Variants in PBXIP1 observed in about 807,000 individuals in gnomAD.
The protein encoded by PBXIP1 is PBX homeobox interacting protein 1.
Under a neutral mutation model 73.7 loss-of-function variants are expected in PBXIP1, and 73 were observed. That is an observed-to-expected ratio of 0.99 (90% CI 0.82 to 1.20). The LOEUF (loss-of-function observed/expected upper bound fraction) is 1.20. PBXIP1 is among the 50% of genes most tolerant of loss of function. PBXIP1 has a pLI of 0.00. For synonymous variants in PBXIP1, 330 were observed against 366.9 expected (o/e 0.90, Z 1.15); for missense variants, 818 against 911.4 (o/e 0.90, Z 1.32).
chr1:154,954,001 T>C (rs112636496), intron 1 of PBXIP1, among the ~76,000 whole-genome samples: 119 of 152,214 alleles, frequency 7.8e-4, no homozygotes, highest in African/African-American at 2.8e-3. Flanking sequence ...CTTGGAAAAC[T>C]GAACTGACCT....
rs774924975 is a variant in PBXIP1 at position 154,948,335 on chromosome 1, G to T, written c.441C>A (p.Ser147Arg). The change falls in exon 6 of 11, where the codon AGC (serine) becomes AGA (arginine). Residue 147 changes from serine to arginine, a missense_variant. Physicochemically the swap from Ser to Arg is moderately radical, Grantham distance 110. Transcript: ENST00000368463. ...AWIREEGRCS[S>R]SDDDTDVDME... Reference sequence around the variant, plus strand: ...TGTCCACGTCGGTGTCATCGTCACTGCTGGAGCAGCGGCCCTCCTCCCTGA... The same window carrying T: ...TGTCCACGTCGGTGTCATCGTCACTTCTGGAGCAGCGGCCCTCCTCCCTGA... The T allele has an allele frequency of 1.2e-6, 2 of 1,605,154 alleles. No individual in the cohort carries two copies. The highest frequency in any genetic ancestry group is 4.5e-5 in the East Asian group (2 of 44,596).
rs1195774747 is a variant in PBXIP1 at position 154,946,459 on chromosome 1, C to T, written c.1215G>A (p.Leu405=). 1 of 1,608,382 alleles carries T rather than the reference C, an allele frequency of 6.2e-7. No individual in the cohort carries two copies. The highest frequency in any genetic ancestry group is 1.3e-5 in the African/African-American group (1 of 74,948). The part of the protein sequence containing the change: ...RQELERQRRL[L]GSVQQDLERS... ...TCTCCAGATCCTGCTGTACAGACCC[C>T]AGCAGCCGTCGCTGCCTCTCTAACT... Residue 405 remains leucine (L), a synonymous_variant, in exon 10 of 11, where the codon CTG becomes CTA. Transcript: ENST00000368463.
chr1:154,953,210 C>G (rs902424272), intron 2 of PBXIP1, among the ~76,000 whole-genome samples: 1 of 152,284 alleles, frequency 6.6e-6, no homozygotes, highest in Non-Finnish European at 1.5e-5. Context: ...TAACCCAAAG[C>G]CCCACACTGA....
intron 2 of PBXIP1, among the ~76,000 whole-genome samples, chr1:154,952,571 G>A (rs866699322): frequency 1.3e-5 from 2 of 152,088 alleles, no homozygotes; most frequent in East Asian, 3.8e-4. Flanking sequence ...CCTGCCACCC[G>A]CCCCGTGGCT....
intron 10 of PBXIP1, 57 bp from the exon 11 acceptor site, chr1:154,945,174 C>T: frequency 7.5e-7 from 1 of 1,338,370 alleles, no homozygotes. Context: ...ACGGGTTCCC[C>T]AAGGAGAGAG....
In PBXIP1 at chr1:154,944,937, C is replaced by T. The variant is rs556484402; in HGVS notation, c.*87G>A. ...AAGATATCTGAGGACACCAAACAAG[C>T]CAGGACAGAGTCCACCCTCCAGGAG... On this transcript the variant is annotated 3_prime_UTR_variant, in exon 11 of 11. Transcript: ENST00000368463. The T allele has an allele frequency of 8.2e-6, 9 of 1,095,932 alleles. No individual in the cohort carries two copies. In the South Asian group the frequency reaches 1.0e-4, roughly 13 times the overall value. 67.9% of individuals were successfully genotyped at this position (1,095,932 alleles called of 1,614,324 possible).
rs1419575460 is a variant in PBXIP1 at position 154,953,759 on chromosome 1, T to TGCAG, written c.-36-6_-36-3dup. On this transcript the variant is annotated splice_region_variant and splice_polypyrimidine_tract_variant and intron_variant, in intron 1 of 10. Coordinates refer to ENST00000368463, the MANE Select transcript of PBXIP1 (RefSeq NM_020524.4). Reference sequence around the variant, plus strand: ...CCCTGAGGCTGCTGTGGCTGCCACCTGCAGAAGAAAGCTCTCTTAAGGATG... The same window carrying TGCAG: ...CCCTGAGGCTGCTGTGGCTGCCACCTGCAGGCAGAAGAAAGCTCTCTTAAGGATG... The TGCAG allele has an allele frequency of 6.2e-7, 1 of 1,600,838 alleles. No homozygotes were observed. The highest frequency in any genetic ancestry group is 8.5e-7 in the Non-Finnish European group (1 of 1,170,308).
chr1:154,948,142 G>A lies in PBXIP1; in HGVS notation c.634C>T (p.Leu212Phe). 6.3e-7 allele frequency: 1 copy of A among 1,581,922 alleles called. No individual in the cohort carries two copies. Among genetic ancestry groups the A allele is most frequent in the Non-Finnish European group, 8.6e-7 (1 of 1,163,226 alleles). ...ALVLLGLGVL[L>F]FSGGLSESET... is the part of the protein sequence containing the mutation. The stretch of plus-strand genomic sequence containing the variant: ...CAGAGGTACCACTCACCTGAGAAGA[G>A]GAGGACCCCCAGGCCAAGCAGAACC... The change falls in exon 6 of 11, where the codon CTC becomes TTC. Residue 212 changes from leucine to phenylalanine, a missense_variant. By Grantham distance (22) the Leu-to-Phe change is conservative (BLOSUM62 0). Transcript: ENST00000368463.
chr1:154,945,538 T>A, intron 10 of PBXIP1, 34 bp downstream of exon 10: 1 of 1,593,208 alleles, frequency 6.3e-7, no homozygotes. Flanking sequence ...ACTGCCTCTG[T>A]CCCACCCGAC....
Position 154,951,977 on chromosome 1 carries a change from C to A in PBXIP1, c.52-56G>T. On this transcript the variant is annotated intron_variant, in intron 2 of 10. Transcript: ENST00000368463. The surrounding 1 kb of genome is among the most constrained non-coding windows in gnomAD (Gnocchi z 4.3). ...CACCCAAGAATGGGGCCCCAGCCCA[C>A]ATCCCAGAAACACACACATTCAGTC... 1 of 1,560,248 alleles carries A rather than the reference C, an allele frequency of 6.4e-7. No homozygotes were observed. Among genetic ancestry groups the A allele is most frequent in the Non-Finnish European group, 8.6e-7 (1 of 1,158,124 alleles).
chr1:154,951,709 C>T lies in PBXIP1; in HGVS notation c.178+86G>A, dbSNP rs796635833. 1.3e-6 allele frequency: 2 copies of T among 1,511,488 alleles called. No individual in the cohort carries two copies. The highest frequency in any genetic ancestry group is 1.2e-5 in the South Asian group (1 of 85,656). The allele number at this position is 1,511,488 out of a possible 1,614,324, so 93.6% of individuals were successfully genotyped here. On this transcript the variant is annotated intron_variant, in intron 3 of 10. Transcript: ENST00000368463. The surrounding 1 kb of genome is among the most constrained non-coding windows in gnomAD (Gnocchi z 4.3). ...AATGGAGGAACTAAAACGAACCAGC[C>T]TCCCTTTCTCTGAGGAAACTGAGAA...
At position 154,953,659 on chromosome 1, in the gene PBXIP1, C is replaced by A. The variant is rs369161982; in HGVS notation, c.51+12G>T. The stretch of plus-strand genomic sequence containing the variant: ...ACCCCACCCCCATGGTTCCCAGGCC[C>A]GCTCTTCCTACCTCGGAGCCAGCAA... On this transcript the variant is annotated intron_variant, in intron 2 of 10. Coordinates refer to ENST00000368463, the MANE Select transcript of PBXIP1 (RefSeq NM_020524.4). The A allele has an allele frequency of 1.2e-6, 2 of 1,602,814 alleles. No individual in the cohort carries two copies. The highest frequency in any genetic ancestry group is 2.2e-5 in the South Asian group (2 of 90,680).
At chr1:154,949,410 C>T (rs1180900540) in intron 5 of PBXIP1, among the ~76,000 whole-genome samples, 4 of 152,074 alleles carry the variant, frequency 2.6e-5, no homozygotes, top group Non-Finnish European at 4.4e-5. Flanking sequence ...AACTCCTGAG[C>T]TCAAGTGATC....
At position 154,951,094 on chromosome 1, in the gene PBXIP1, G is replaced by C; in HGVS notation, c.409+138C>G. 1 of 731,024 alleles carries C rather than the reference G, an allele frequency of 1.4e-6. No individual in the cohort carries two copies. The highest frequency in any genetic ancestry group is 1.8e-5 in the South Asian group (1 of 56,082). The allele number at this position is 731,024 out of a possible 1,614,324, so 45.3% of individuals were successfully genotyped here. ...ACCTTTCTGGGCCTCAACGTCCCAG[G>C]GGTAGTGGTGAGAAAGGAGAGCACC... On this transcript the variant is annotated intron_variant, in intron 5 of 10. Transcript: ENST00000368463. The surrounding 1 kb of genome is among the most constrained non-coding windows in gnomAD (Gnocchi z 4.3).
chr1:154,951,972 G>A lies in PBXIP1; in HGVS notation c.52-51C>T. On this transcript the variant is annotated intron_variant, in intron 2 of 10. Coordinates refer to ENST00000368463, the MANE Select transcript of PBXIP1 (RefSeq NM_020524.4). This position sits in a 1 kb window ranked among gnomAD's most constrained non-coding sequence, Gnocchi z 4.3. The stretch of plus-strand genomic sequence containing the variant: ...GGCTGCACCCAAGAATGGGGCCCCA[G>A]CCCACATCCCAGAAACACACACATT... 2 of 1,565,998 alleles carry A rather than the reference G, an allele frequency of 1.3e-6. No homozygotes were observed. Among genetic ancestry groups the A allele is most frequent in the Non-Finnish European group, 8.6e-7 (1 of 1,161,748 alleles).
Position 154,945,877 on chromosome 1 carries a change from G to A in PBXIP1, c.1797C>T (p.Gly599=). The A allele has an allele frequency of 1.2e-6, 2 of 1,614,116 alleles. No homozygotes were observed. Among genetic ancestry groups the A allele is most frequent in the South Asian group, 2.2e-5 (2 of 91,084 alleles). The change falls in exon 10 of 11, where the codon GGC becomes GGT. Residue 599 remains glycine, a synonymous_variant. Coordinates refer to ENST00000368463, the MANE Select transcript of PBXIP1 (RefSeq NM_020524.4). ...CTAGCTCTGTGCCAAAGAAAGTCAG[G>A]CCCTCCTGCCGGGCACACTCGTCCA... ...SGVDECARQE[G]LTFFGTELAP...
At chr1:154,955,748 T>C (rs1655157599) in intron 1 of PBXIP1, among the ~76,000 whole-genome samples, 1 of 152,160 alleles carries the variant, frequency 6.6e-6, no homozygotes, top group African/African-American at 2.4e-5. Context: ...GTAAGGATTA[T>C]GACAGAGACT....
chr1:154,944,594 G>A lies in PBXIP1; in HGVS notation c.*430C>T, dbSNP rs558339367. The A allele has an allele frequency of 4.5e-4, 71 of 157,886 alleles. No homozygotes were observed. Among genetic ancestry groups the A allele is most frequent in the Non-Finnish European group, 8.1e-4 (58 of 71,594 alleles). 9.8% of individuals were successfully genotyped at this position (157,886 alleles called of 1,614,324 possible). ...TAACAAAACCCCAGGGTAAGTCCTC[G>A]TGCTGGGCCTCGAGCCAGCAACTCT... On this transcript the variant is annotated 3_prime_UTR_variant, in exon 11 of 11. Coordinates refer to ENST00000368463, the MANE Select transcript of PBXIP1 (RefSeq NM_020524.4).
chr1:154,947,666 C>A lies in PBXIP1; in HGVS notation c.714G>T (p.Val238=), dbSNP rs1654873895. 6.2e-7 allele frequency: 1 copy of A among 1,613,852 alleles called. No homozygotes were observed. Among genetic ancestry groups the A allele is most frequent in the African/African-American group, 1.3e-5 (1 of 74,906 alleles). ...CCTGCCTGTCCCCCACAGCTTCCAG[C>A]ACCTCGGGGTCTGGGAGGACCTGCC... ...VERQVLPDPE[V]LEAVGDRQDG... The change falls in exon 8 of 11, where the codon GTG becomes GTT. Residue 238 remains valine (V), a synonymous_variant. Coordinates refer to ENST00000368463, the MANE Select transcript of PBXIP1 (RefSeq NM_020524.4).
Sources: allele counts gnomAD v4.1 joint callset (sites outside exome capture counted in the v4.1 genomes callset), GRCh38; gene constraint gnomAD v4.1.1; non-coding constraint Gnocchi (gnomAD v3.1); transcripts MANE v1.5; gene names NCBI Gene and HGNC (gene_info 2026-07-23, HGNC 2026-07-21).